The following REV3L variants were observed in gnomAD, a reference collection of about 807,000 sequenced individuals.
REV3L encodes the protein DNA polymerase zeta catalytic subunit.
A neutral mutation model predicts 299.4 loss-of-function variants in REV3L; 69 were observed. That is an observed-to-expected ratio of 0.23 (90% CI 0.19 to 0.28). The LOEUF is 0.28. Among genes scored for constraint, REV3L ranks in the 10% least tolerant of loss-of-function variants. REV3L has a pLI of 1.00. For synonymous variants in REV3L, 1,238 were observed against 1,271.4 expected (o/e 0.97, Z 0.56); for missense variants, 3,128 against 3,693.8 (o/e 0.85, Z 3.97).
chr6:111,330,717 A>G (rs1186660308), intron 24 of REV3L, among the ~76,000 whole-genome samples: 2 of 152,202 alleles, frequency 1.3e-5, no homozygotes, highest in African/African-American at 4.8e-5. Context: ...TAAGATAAAA[A>G]GAACAGGGAC....
chr6:111,441,878 A>G (rs908675464), intron 1 of REV3L, among the ~76,000 whole-genome samples: 9 of 152,098 alleles, frequency 5.9e-5, no homozygotes. Flanking sequence ...GAACCTGTTG[A>G]TGTGGGGTAT....
At chr6:111,321,160 T>A (rs1418215368) in intron 26 of REV3L, among the ~76,000 whole-genome samples, 2 of 152,204 alleles carry the variant, frequency 1.3e-5, no homozygotes, top group African/African-American at 4.8e-5. Context: ...GGAAATTTGT[T>A]CTTAATAAGC....
rs9487625 is a variant in REV3L, at chr6:111,387,109, A to T, written c.1096+656T>A. ...GATTAACAAAATGTGGTATCTCCAT[A>T]CATACTGATAGATACTACAACATGT... On this transcript the variant is annotated intron_variant, in intron 9 of 31. Transcript: ENST00000368802. Among the ~76,000 whole-genome samples, 353 of 152,340 alleles carry T rather than the reference A, an allele frequency of 2.3e-3. 2 individuals carry two copies. The highest frequency in any genetic ancestry group is 8.2e-3 in the African/African-American group (342 of 41,582).
intron 1 of REV3L, chr6:111,471,937 G>A (rs1008767218): frequency 2.3e-6 from 2 of 853,336 alleles, no homozygotes; most frequent in East Asian, 1.9e-4. Flanking sequence ...GGGTGAGTAG[G>A]ATTTACCAAC....
In REV3L at chr6:111,416,303, T is replaced by C; in HGVS notation, c.309A>G (p.Lys103=). ...NPSSTAQHVF[K]VSLVSGMPFY... Reference sequence around the variant, plus strand: ...CTTACATTCCTGATACTAATGACACTTTGAACACATGCTGAGCAGTGGAAG... The same window carrying C: ...CTTACATTCCTGATACTAATGACACCTTGAACACATGCTGAGCAGTGGAAG... The change falls in exon 2 of 32, where the codon AAA becomes AAG. Residue 103 remains lysine (K), a synonymous_variant. Transcript: ENST00000368802. 1 of 1,612,396 alleles carries C rather than the reference T, an allele frequency of 6.2e-7. No individual in the cohort carries two copies. The highest frequency in any genetic ancestry group is 8.5e-7 in the Non-Finnish European group (1 of 1,179,030).
intron 18 of REV3L, among the ~76,000 whole-genome samples, chr6:111,352,900 T>C (rs1336317674): frequency 6.6e-6 from 1 of 152,206 alleles, no homozygotes; most frequent in African/African-American, 2.4e-5. Context: ...GCTATAAATA[T>C]GAAAATTTAT....
intron 5 of REV3L, among the ~76,000 whole-genome samples, chr6:111,391,589 A>C (rs1181812495): frequency 6.6e-6 from 1 of 152,148 alleles, no homozygotes; most frequent in Non-Finnish European, 1.5e-5. Context: ...TAATTAGCCA[A>C]CCTATCATAA....
At chr6:111,465,761 A>AAC (rs1475218698) in intron 1 of REV3L, among the ~76,000 whole-genome samples, 1 of 130,418 alleles carries the variant, frequency 7.7e-6, no homozygotes, top group African/African-American at 2.5e-5. Flanking sequence ...AAAAAAAAAA[A>AAC]AAAAACTTTG....
rs1389405913 is a variant in REV3L, at chr6:111,411,561, T to C, written c.330-7A>G. The C allele has an allele frequency of 8.6e-6, 13 of 1,504,316 alleles. No homozygotes were observed. The highest frequency in any genetic ancestry group is 1.1e-5 in the Non-Finnish European group (12 of 1,100,936). 93.2% of individuals were successfully genotyped at this position (1,504,316 alleles called of 1,614,324 possible). ...ATGATAACCATAAAAAGGCCTGAAATATAAGAAAAAAAATTTCAAATTATT... is the reference window on the plus strand; with the variant it reads ...ATGATAACCATAAAAAGGCCTGAAACATAAGAAAAAAAATTTCAAATTATT... On this transcript the variant is annotated splice_region_variant and splice_polypyrimidine_tract_variant and intron_variant, in intron 2 of 31. Coordinates refer to ENST00000368802, the MANE Select transcript of REV3L (RefSeq NM_001372078.1).
rs746427962 is a variant in REV3L at position 111,474,981 on chromosome 6, C to CTA, written c.139+7767_139+7768dup. On this transcript the variant is annotated intron_variant, in intron 1 of 31. Coordinates refer to ENST00000368802, the MANE Select transcript of REV3L (RefSeq NM_001372078.1). ...CATGCACATTACATTCTATAGCTGC[C>CTA]TATATATACACACACACACACACAC... Among the ~76,000 whole-genome samples the CTA allele has an allele frequency of 3.5e-3, 381 of 108,114 alleles. 1 individual carries two copies. Among genetic ancestry groups the CTA allele is most frequent in the South Asian group, 8.9e-3 (24 of 2,686 alleles). 70.9% of individuals were successfully genotyped at this position (108,114 alleles called of 152,430 possible).
intron 1 of REV3L, among the ~76,000 whole-genome samples, chr6:111,458,367 TG>T (rs774971381): frequency 1.8e-4 from 28 of 152,166 alleles, no homozygotes; most frequent in Non-Finnish European, 4.0e-4. Context: ...CCTTGAGAAA[TG>T]GAAGAAGACA....
intron 1 of REV3L, chr6:111,431,764 T>C (rs147738368): frequency 2.7e-5 from 21 of 766,492 alleles, no homozygotes; most frequent in Middle Eastern, 3.9e-4. Flanking sequence ...TGTTGCTGAA[T>C]GTGGACCTGG....
At chr6:111,322,085 A>T (rs1377745694) in intron 26 of REV3L, among the ~76,000 whole-genome samples, 2 of 152,180 alleles carry the variant, frequency 1.3e-5, no homozygotes, top group Non-Finnish European at 2.9e-5. Context: ...CTGGAATCAA[A>T]TGGAAAACTG....
rs527732661 is a variant in REV3L, at chr6:111,299,182, G to A, written c.*834C>T. 1 of 152,504 alleles carries A rather than the reference G, an allele frequency of 6.6e-6. No individual in the cohort carries two copies. The highest frequency in any genetic ancestry group is 2.1e-4 in the South Asian group (1 of 4,824). 9.4% of individuals were successfully genotyped at this position (152,504 alleles called of 1,614,324 possible). A position where few individuals can be genotyped will look rare whatever the true frequency, so the allele number is the denominator to read the frequency against. ...CAAATATTCTAAATACACATTTTGT[G>A]TTCAAGATGATGGCAAATAAGATTA... On this transcript the variant is annotated 3_prime_UTR_variant, in exon 32 of 32. Coordinates refer to ENST00000368802, the MANE Select transcript of REV3L (RefSeq NM_001372078.1).
chr6:111,350,720 G>A lies in REV3L; in HGVS notation c.7300+956C>T, dbSNP rs530586037. 3.5e-3 allele frequency among the ~76,000 whole-genome samples: 520 copies of A among 150,722 alleles called. 3 individuals carry two copies. Among genetic ancestry groups the A allele is most frequent in the African/African-American group, 0.012 (502 of 41,138 alleles). On this transcript the variant is annotated intron_variant, in intron 19 of 31. Coordinates refer to ENST00000368802, the MANE Select transcript of REV3L (RefSeq NM_001372078.1). Reference sequence around the variant, plus strand: ...GTCTCCTGAGTAGCTGGGACTACAGGCACAAGCTATCACACCTGGCTAATT... The same window carrying A: ...GTCTCCTGAGTAGCTGGGACTACAGACACAAGCTATCACACCTGGCTAATT...
intron 26 of REV3L, among the ~76,000 whole-genome samples, chr6:111,316,707 A>G (rs145349476): frequency 6.6e-6 from 1 of 152,108 alleles, no homozygotes; most frequent in Non-Finnish European, 1.5e-5. Context: ...TATATTCTGT[A>G]ATGTATGTTA....
intron 11 of REV3L, among the ~76,000 whole-genome samples, chr6:111,379,628 A>G (rs1780630536): frequency 6.6e-6 from 1 of 152,166 alleles, no homozygotes; most frequent in African/African-American, 2.4e-5. Context: ...GACTCTATAC[A>G]TTGTTGTTCT....
intron 22 of REV3L, among the ~76,000 whole-genome samples, chr6:111,333,624 G>A (rs562364402): frequency 4.6e-5 from 7 of 151,910 alleles, no homozygotes; most frequent in Admixed American, 2.6e-4. Flanking sequence ...ACAGGCATGC[G>A]CCACCATGTC....
At chr6:111,480,631 T>C (rs913332959) in intron 1 of REV3L, among the ~76,000 whole-genome samples, 3 of 152,094 alleles carry the variant, frequency 2.0e-5, no homozygotes, top group African/African-American at 4.8e-5. Flanking sequence ...GAAACAAACA[T>C]TTTGTTGGAA....
Sources: gnomAD v4.1 joint callset for allele counts (sites outside exome capture counted in the v4.1 genomes callset) on GRCh38, gnomAD v4.1.1 for gene constraint, MANE v1.5 for transcripts, NCBI Gene and HGNC (gene_info 2026-07-23, HGNC 2026-07-21) for gene names.